The following PFKFB1 variants were observed in gnomAD, a reference collection of about 807,000 sequenced individuals.
The protein encoded by PFKFB1 is 6-phosphofructo-2-kinase/fructose-2,6-biphosphatase 1.
In PFKFB1, 34 loss-of-function variants were observed where a neutral mutation model predicts 46.4. The observed-to-expected ratio is 0.73, with a 90% CI of 0.56 to 0.98. The LOEUF is 0.98. PFKFB1 is among the 50% of genes least tolerant of loss of function. The probability of loss-of-function intolerance (pLI) is 0.00; values close to 1 mark genes in which losing one functional copy is unlikely to be tolerated. For missense variants in PFKFB1, 393 were observed against 376.3 expected (o/e 1.04, Z -0.37); for synonymous variants, 119 against 133.8 (o/e 0.89, Z 0.76).
upstream of PFKFB1, among the ~76,000 whole-genome samples, chrX:54,996,268 GTA>G (rs780559400): frequency 2.7e-5 from 3 of 112,046 alleles, no homozygotes; most frequent in South Asian, 1.1e-3. Flanking sequence ...CCCTTTCCCT[GTA>G]TGTTTTCCAT....
At chrX:54,970,200 C>A (rs944562666) in intron 1 of PFKFB1, among the ~76,000 whole-genome samples, 4 of 111,676 alleles carry the variant, frequency 3.6e-5, no homozygotes, top group Non-Finnish European at 7.5e-5. Flanking sequence ...TGAGCCACTG[C>A]AGCCGGCCCA....
At chrX:54,976,760 T>C (rs1934849634) in intron 1 of PFKFB1, among the ~76,000 whole-genome samples, 1 of 111,558 alleles carries the variant, frequency 9.0e-6, no homozygotes, top group African/African-American at 3.3e-5. Flanking sequence ...AGTTGGTGAA[T>C]GGATAAACAA....
chrX:54,941,620 C>T (rs1445117007), intron 10 of PFKFB1, among the ~76,000 whole-genome samples: 1 of 112,345 alleles, frequency 8.9e-6, no homozygotes, highest in African/African-American at 3.2e-5. Context: ...GACATCTATG[C>T]AGCCAAAAGA....
intron 1 of PFKFB1, among the ~76,000 whole-genome samples, chrX:54,991,045 C>A (rs1277000332): frequency 2.7e-5 from 3 of 111,365 alleles, no homozygotes; most frequent in African/African-American, 9.8e-5. Flanking sequence ...ATTAACATTT[C>A]TTTTCAACGT....
chrX:54,982,086 G>C (rs1935009934), intron 1 of PFKFB1, among the ~76,000 whole-genome samples: 1 of 111,168 alleles, frequency 9.0e-6, no homozygotes, highest in Admixed American at 9.6e-5. Flanking sequence ...AAATAAAACA[G>C]GCACTCGAAT....
chrX:54,972,610 CT>C (rs1934706280), intron 1 of PFKFB1, among the ~76,000 whole-genome samples: 1 of 111,329 alleles, frequency 9.0e-6, no homozygotes, highest in African/African-American at 3.3e-5. Context: ...TGGTTTTTGT[CT>C]TTGGTTCTGT....
Position 54,952,049 on chromosome X carries a change from A to T in PFKFB1, c.702T>A (p.Asp234Glu). The T allele has an allele frequency of 8.3e-7, 1 of 1,211,415 alleles. No homozygotes were observed. The highest frequency in any genetic ancestry group is 3.0e-5 in the East Asian group (1 of 33,823). ...GTRYMVNRVQDHIQSRTVYYL... is the reference protein window; with the variant it reads ...GTRYMVNRVQEHIQSRTVYYL... ...AGTAGACTGTGCGGCTCTGGATGTG[A>T]TCCTGCACTCGGTTCACCATGTAGC... is the stretch of plus-strand genomic sequence containing the variant. The change falls in exon 8 of 14, where the codon GAT becomes GAA. Residue 234 changes from aspartate (D) to glutamate (E), a missense_variant. Coordinates refer to ENST00000375006, the MANE Select transcript of PFKFB1 (RefSeq NM_002625.4).
chrX:54,949,879 T>A (rs1933918445), intron 8 of PFKFB1, among the ~76,000 whole-genome samples: 1 of 112,489 alleles, frequency 8.9e-6, no homozygotes. Context: ...TGGGAGACAT[T>A]ACTTTTTGAC....
At chrX:54,933,908 G>A (rs780241317) in intron 12 of PFKFB1, 23 bp from the exon 13 acceptor site, 1 of 1,169,724 alleles carries the variant, frequency 8.5e-7, no homozygotes, top group South Asian at 1.8e-5. Context: ...CAATCCATCT[G>A]TCCATAGGCC....
chrX:54,972,131 T>C (rs1192753758), intron 1 of PFKFB1, among the ~76,000 whole-genome samples: 1 of 111,217 alleles, frequency 9.0e-6, no homozygotes, highest in African/African-American at 3.3e-5. Context: ...ATGATTTGGC[T>C]CTCTGTTTGT....
chrX:54,983,456 A>G (rs982495483), intron 1 of PFKFB1, among the ~76,000 whole-genome samples: 3 of 111,991 alleles, frequency 2.7e-5, no homozygotes, highest in African/African-American at 9.7e-5. Flanking sequence ...GTTGCTAAGT[A>G]TAATGGCCTC....
intron 7 of PFKFB1, among the ~76,000 whole-genome samples, chrX:54,954,610 C>T (rs545256583): frequency 1.8e-3 from 206 of 111,964 alleles, no homozygotes; most frequent in African/African-American, 6.4e-3. Flanking sequence ...TGTAGTCTGC[C>T]TATTGGGTAA....
In PFKFB1 at chrX:54,977,656, G is replaced by A. The variant is rs377399926; in HGVS notation, c.98-14274C>T. Among the ~76,000 whole-genome samples the A allele has an allele frequency of 6.3e-5, 7 of 111,128 alleles. No individual in the cohort carries two copies. The East Asian group carries it at 1.4e-3, about 23-fold the overall frequency. ...TATTTCTTAGCTCTGTCTGCTGAGC[G>A]GGCTAGAATTAATGATACCCTAAAA... On this transcript the variant is annotated intron_variant, in intron 1 of 13. Coordinates refer to ENST00000375006, the MANE Select transcript of PFKFB1 (RefSeq NM_002625.4).
chrX:54,952,347 T>G (rs759994847), intron 7 of PFKFB1, among the ~76,000 whole-genome samples: 11 of 111,757 alleles, frequency 9.8e-5, no homozygotes, highest in Non-Finnish European at 1.9e-4. Context: ...TCCTTCAGCC[T>G]CAACTTGAGC....
At chrX:54,949,479 C>T (rs928119567) in intron 8 of PFKFB1, among the ~76,000 whole-genome samples, 5 of 107,748 alleles carry the variant, frequency 4.6e-5, no homozygotes, top group African/African-American at 1.4e-4. Context: ...GATTGCTCAC[C>T]GAAGCCCCTA....
At chrX:54,976,607 C>T (rs1458339311) in intron 1 of PFKFB1, among the ~76,000 whole-genome samples, 1 of 111,463 alleles carries the variant, frequency 9.0e-6, no homozygotes, top group Admixed American at 9.6e-5. Flanking sequence ...TTAACATACA[C>T]TTGACATATG....
Position 54,963,323 on chromosome X carries a change from G to A in PFKFB1, c.157C>T (p.Arg53Ter), listed in dbSNP as rs867454608. The stretch of plus-strand genomic sequence containing the variant: ...TTTGTGGAGATATAGGTCTTGCCTC[G>A]AGCTGGTAAACCCACCATGATCACC... ...TMVIMVGLPA[R>*]GKTYISTKLT... The change falls in exon 2 of 14, where the codon CGA becomes TGA. Residue 53 changes from arginine to a stop codon, truncating the protein, a stop_gained. Transcript: ENST00000375006. LOFTEE classifies it high-confidence loss of function. 1.2e-5 allele frequency: 15 copies of A among 1,208,226 alleles called. No homozygotes were observed. The highest frequency in any genetic ancestry group is 2.3e-4 in the Middle Eastern group (1 of 4,345).
At chrX:54,939,869 G>C (rs996671157) in intron 10 of PFKFB1, among the ~76,000 whole-genome samples, 1 of 112,044 alleles carries the variant, frequency 8.9e-6, no homozygotes, top group Non-Finnish European at 1.9e-5. Flanking sequence ...TAGAAAAAGA[G>C]GGAATCCTTC....
At chrX:54,945,688 A>G (rs943204502) in intron 9 of PFKFB1, 145 bp from the exon 10 acceptor site, 14 of 437,957 alleles carry the variant, frequency 3.2e-5, no homozygotes, top group Non-Finnish European at 4.7e-5. Context: ...CCTGTTGTCC[A>G]TAAGTGTGTA....
Sources: gnomAD v4.1 joint callset for allele counts (sites outside exome capture counted in the v4.1 genomes callset) on GRCh38, gnomAD v4.1.1 for gene constraint, MANE v1.5 for transcripts, NCBI Gene and HGNC (gene_info 2026-07-23, HGNC 2026-07-21) for gene names.